PCDHGA11: variants seen among roughly 807,000 people sequenced by gnomAD.
The protein encoded by PCDHGA11 is protocadherin gamma subfamily A, 11.
A neutral mutation model predicts 60.4 loss-of-function variants in PCDHGA11; 39 were observed. That is an observed-to-expected ratio of 0.65 (90% CI 0.50 to 0.84). The LOEUF (loss-of-function observed/expected upper bound fraction) is 0.84. PCDHGA11 is among the 40% of genes least tolerant of loss of function. The pLI is 0.00. For missense variants in PCDHGA11, 1,165 were observed against 1,197.7 expected (o/e 0.97, Z 0.40); for synonymous variants, 533 against 510.3 (o/e 1.04, Z -0.60).
intron 1 of PCDHGA11, among the ~76,000 whole-genome samples, chr5:141,482,274 G>A (rs1219523359): frequency 6.6e-6 from 1 of 152,094 alleles, no homozygotes; most frequent in Non-Finnish European, 1.5e-5. Flanking sequence ...TTTAGCTTAG[G>A]TAAGTCTTTT....
rs1443300486 is a variant in PCDHGA11, at chr5:141,423,057, T to C, written c.1830T>C (p.Leu610=). Residue 610 remains leucine, a synonymous_variant, in exon 1 of 4, where the codon CTT becomes CTC. Transcript: ENST00000398587. Reference sequence around the variant, plus strand: ...ACGCCTGGCTGTCCTATCGCCTGCTTAAGGCCAGCGAGCCGGGACTCTTCG... The same window carrying C: ...ACGCCTGGCTGTCCTATCGCCTGCTCAAGGCCAGCGAGCCGGGACTCTTCG... ...GQNAWLSYRL[L]KASEPGLFAV... 6.2e-7 allele frequency: 1 copy of C among 1,614,060 alleles called. No homozygotes were observed. Among genetic ancestry groups the C allele is most frequent in the Non-Finnish European group, 8.5e-7 (1 of 1,180,008 alleles).
intron 1 of PCDHGA11, among the ~76,000 whole-genome samples, chr5:141,425,841 C>T (rs936781561): frequency 2.0e-5 from 3 of 152,190 alleles, no homozygotes; most frequent in African/African-American, 7.2e-5. Context: ...ATTCTCTTTG[C>T]TGGGTTAATG....
chr5:141,421,255 C>T lies in PCDHGA11; in HGVS notation c.28C>T (p.Arg10Cys), dbSNP rs759899934. The change falls in exon 1 of 4, where the codon CGC becomes TGC. Residue 10 changes from arginine to cysteine, a missense_variant. Arg to Cys is a radical substitution (Grantham distance 180). Coordinates refer to ENST00000398587, the MANE Select transcript of PCDHGA11 (RefSeq NM_018914.3). ...GGCGAATCGGCTACAGCGCGGGGAC[C>T]GCAGTCGGCTGCTGCTGCTGCTGTG... MANRLQRGD[R>C]SRLLLLLCIF... 5.2e-5 allele frequency: 84 copies of T among 1,607,644 alleles called. No individual in the cohort carries two copies. Among genetic ancestry groups the T allele is most frequent in the Non-Finnish European group, 6.8e-5 (80 of 1,177,916 alleles).
In PCDHGA11 at chr5:141,487,765, GC is replaced by G. The variant is rs2099665397; in HGVS notation, c.2434-7041del. The G allele has an allele frequency of 6.5e-7, 1 of 1,541,774 alleles. No individual in the cohort carries two copies. Among genetic ancestry groups the G allele is most frequent in the South Asian group, 1.2e-5 (1 of 83,146 alleles). On this transcript the variant is annotated intron_variant, in intron 1 of 3. Transcript: ENST00000398587. This position sits in a 1 kb window ranked among gnomAD's most constrained non-coding sequence, Gnocchi z 5.0. ...GAGGTAACTATGTGGTAGACGCTGT[GC>G]TTTGTAACTGTTTCGTGAATTAACC...
intron 1 of PCDHGA11, among the ~76,000 whole-genome samples, chr5:141,482,985 C>T (rs971017271): frequency 1.3e-5 from 2 of 151,372 alleles, no homozygotes; most frequent in East Asian, 1.9e-4. Context: ...CTTGAGAGGT[C>T]GAGGCAGGAG....
At position 141,490,908 on chromosome 5, in the gene PCDHGA11, C is replaced by G; in HGVS notation, c.2434-3899C>G. On this transcript the variant is annotated intron_variant, in intron 1 of 3. Transcript: ENST00000398587. This position sits in a 1 kb window ranked among gnomAD's most constrained non-coding sequence, Gnocchi z 5.4. ...CATCTCTGCATGTGTTTGTCCTAGA[C>G]GAGAATGATAATGCCCCAGCTGTGC... The G allele has an allele frequency of 6.2e-7, 1 of 1,613,710 alleles. No individual in the cohort carries two copies. Among genetic ancestry groups the G allele is most frequent in the Non-Finnish European group, 8.5e-7 (1 of 1,179,754 alleles).
At chr5:141,488,859 G>A (rs1033425540) in intron 1 of PCDHGA11, among the ~76,000 whole-genome samples, 12 of 152,204 alleles carry the variant, frequency 7.9e-5, no homozygotes, top group African/African-American at 2.9e-4. Context: ...GCAGCACGAA[G>A]TGAGTGGGGA....
At chr5:141,483,972 A>G in intron 1 of PCDHGA11, among the ~76,000 whole-genome samples, 1 of 83,960 alleles carries the variant, frequency 1.2e-5, no homozygotes, top group Admixed American at 1.8e-4. Context: ...TGCTTGTGCA[A>G]GGGAGTAGCT....
chr5:141,467,769 G>A (rs573567102), intron 1 of PCDHGA11, among the ~76,000 whole-genome samples: 9 of 151,590 alleles, frequency 5.9e-5, no homozygotes, highest in East Asian at 3.9e-4. Flanking sequence ...TCAAGTGCCC[G>A]CACCTCAGCC....
intron 1 of PCDHGA11, among the ~76,000 whole-genome samples, chr5:141,482,079 C>A (rs2099551704): frequency 8.4e-6 from 1 of 119,308 alleles, no homozygotes; most frequent in African/African-American, 3.8e-5. Context: ...GAACAAAACT[C>A]ACTCCATCTC....
chr5:141,473,699 C>T (rs560096812), intron 1 of PCDHGA11, among the ~76,000 whole-genome samples: 2 of 152,244 alleles, frequency 1.3e-5, no homozygotes, highest in South Asian at 2.1e-4. Flanking sequence ...TGACCACCCT[C>T]CAAGTGGTGC....
At chr5:141,501,305 A>G (rs2099807563) in intron 2 of PCDHGA11, among the ~76,000 whole-genome samples, 1 of 151,322 alleles carries the variant, frequency 6.6e-6, no homozygotes, top group African/African-American at 2.4e-5. Flanking sequence ...ACACACACAC[A>G]CACACACACA....
chr5:141,430,809 G>A (rs949727881), intron 1 of PCDHGA11: 5 of 1,527,014 alleles, frequency 3.3e-6, no homozygotes, highest in Non-Finnish European at 4.4e-6. Context: ...GTCCTGCTGG[G>A]AATCCTCCTG....
At chr5:141,450,006 CTTTTTT>C (rs1554136305) in intron 1 of PCDHGA11, among the ~76,000 whole-genome samples, 7,115 of 132,964 alleles carry the variant, frequency 0.054, 434 homozygotes, top group African/African-American at 0.14. Flanking sequence ...TGCCATGTCT[CTTTTTT>C]TTTTTTTTTT....
At position 141,510,839 on chromosome 5, in the gene PCDHGA11, C is replaced by G. The variant is rs186647886; in HGVS notation, c.2582-108C>G. The stretch of plus-strand genomic sequence containing the variant: ...CTATATTCCCAGTGCTCAGCGTGGT[C>G]AAGGCCCAGGGTGCTGTATAGGCAT... On this transcript the variant is annotated intron_variant, in intron 3 of 3. Coordinates refer to ENST00000398587, the MANE Select transcript of PCDHGA11 (RefSeq NM_018914.3). The G allele has an allele frequency of 6.5e-5, 103 of 1,587,108 alleles. No individual in the cohort carries two copies. The East Asian group carries it at 1.6e-3, about 25-fold the overall frequency.
chr5:141,428,757 G>T (rs1216855355), intron 1 of PCDHGA11: 1 of 154,176 alleles, frequency 6.5e-6, no homozygotes, highest in Non-Finnish European at 1.4e-5. Context: ...CTTCAGGTTT[G>T]TTTGCCCACT....
rs766164142 is a variant in PCDHGA11, at chr5:141,477,910, G to A, written c.2434-16897G>A. On this transcript the variant is annotated intron_variant, in intron 1 of 3. Transcript: ENST00000398587. The surrounding 1 kb of genome is among the most constrained non-coding windows in gnomAD (Gnocchi z 4.9). ...TGTCACGGGTGGTAGGCTGGGACGC[G>A]GATGCAGGGCACAATGCCTGGCTCT... 6.2e-7 allele frequency: 1 copy of A among 1,614,166 alleles called. No individual in the cohort carries two copies. Among genetic ancestry groups the A allele is most frequent in the Admixed American group, 1.7e-5 (1 of 60,020 alleles).
intron 1 of PCDHGA11, among the ~76,000 whole-genome samples, chr5:141,462,783 T>C (rs1313584666): frequency 6.6e-6 from 1 of 152,236 alleles, no homozygotes; most frequent in Non-Finnish European, 1.5e-5. Flanking sequence ...CATAATTTGT[T>C]GCTTATTTGC....
At position 141,485,841 on chromosome 5, in the gene PCDHGA11, C is replaced by G. The variant is rs969476505; in HGVS notation, c.2434-8966C>G. On this transcript the variant is annotated intron_variant, in intron 1 of 3. Transcript: ENST00000398587. This position sits in a 1 kb window ranked among gnomAD's most constrained non-coding sequence, Gnocchi z 5.7. Reference sequence around the variant, plus strand: ...GTCGATGGAGGGAACCCGCCGAGATCTGGCACCGCAGAGCTCCGGGTATCC... The same window carrying G: ...GTCGATGGAGGGAACCCGCCGAGATGTGGCACCGCAGAGCTCCGGGTATCC... 29 of 1,614,104 alleles carry G rather than the reference C, an allele frequency of 1.8e-5. No individual in the cohort carries two copies. The highest frequency in any genetic ancestry group is 2.2e-5 in the South Asian group (2 of 91,080).
Sources: allele counts gnomAD v4.1 joint callset (sites outside exome capture counted in the v4.1 genomes callset), GRCh38; gene constraint gnomAD v4.1.1; non-coding constraint Gnocchi (gnomAD v3.1); transcripts MANE v1.5; gene names NCBI Gene and HGNC (gene_info 2026-07-23, HGNC 2026-07-21).